CCDC141: variants seen among roughly 807,000 people sequenced by gnomAD.
The protein encoded by CCDC141 is coiled-coil domain-containing protein 141.
CCDC141 carries 168 observed loss-of-function variants against 181.0 expected under a neutral mutation model. The observed-to-expected ratio is 0.93, with a 90% CI of 0.82 to 1.05. CCDC141 has a LOEUF of 1.05. Ranked by LOEUF, CCDC141 falls within the 50% of genes least tolerant of loss-of-function variation. The pLI, the probability that CCDC141 is intolerant of heterozygous loss-of-function variation, is 0.00. For synonymous variants in CCDC141, 666 were observed against 642.3 expected, an observed-to-expected ratio of 1.04 and a Z score of -0.56; for missense variants, 1,902 against 1,788.5, an observed-to-expected ratio of 1.06 and a Z score of -1.14.
intron 7 of CCDC141, among the ~76,000 whole-genome samples, chr2:178,910,781 C>T (rs1219278980): frequency 6.6e-6 from 1 of 152,234 alleles, no homozygotes; most frequent in Non-Finnish European, 1.5e-5. Flanking sequence ...AGAGCTCCCT[C>T]CTTGTTCCAG....
At chr2:178,839,548 C>T (rs969883928) in intron 22 of CCDC141, among the ~76,000 whole-genome samples, 1 of 135,732 alleles carries the variant, frequency 7.4e-6, no homozygotes, top group Non-Finnish European at 1.5e-5. Context: ...CCATTGTACC[C>T]CAGCCTGGGC....
chr2:178,895,941 C>T (rs963430163), intron 8 of CCDC141, among the ~76,000 whole-genome samples: 2 of 152,116 alleles, frequency 1.3e-5, no homozygotes, highest in African/African-American at 4.8e-5. Context: ...TAAGGGCTTT[C>T]CTTCAATGTC....
At chr2:179,031,695 T>C (rs1037104880) in intron 2 of CCDC141, among the ~76,000 whole-genome samples, 1 of 152,170 alleles carries the variant, frequency 6.6e-6, no homozygotes. Context: ...GCTTGTCTTA[T>C]GCATTTCTAT....
intron 6 of CCDC141, among the ~76,000 whole-genome samples, chr2:178,936,768 C>A (rs564757262): frequency 3.3e-5 from 5 of 152,028 alleles, no homozygotes; most frequent in African/African-American, 1.2e-4. Context: ...TCTGTGAATT[C>A]TTTGGGCAGT....
Position 178,966,812 on chromosome 2 carries a change from G to T in CCDC141, c.527-5329C>A, listed in dbSNP as rs182253802. ...TAATAACAAACTGCTCCGAGCTAAAGTAGCATATTCTAACCCAATGCAAGG... is the reference window on the plus strand; with the variant it reads ...TAATAACAAACTGCTCCGAGCTAAATTAGCATATTCTAACCCAATGCAAGG... On this transcript the variant is annotated intron_variant, in intron 4 of 23. Coordinates refer to ENST00000443758, the MANE Select transcript of CCDC141 (RefSeq NM_173648.4). 2.8e-3 allele frequency among the ~76,000 whole-genome samples: 433 copies of T among 152,028 alleles called. 6 individuals are homozygous for T. Among genetic ancestry groups the T allele is most frequent in the African/African-American group, 9.8e-3 (407 of 41,486 alleles).
chr2:178,871,673 T>A, intron 13 of CCDC141, 121 bp from the exon 14 acceptor site: 1 of 1,129,686 alleles, frequency 8.9e-7, no homozygotes, highest in Non-Finnish European at 1.3e-6. Flanking sequence ...ACACTCAGGA[T>A]GTGGCATGAG....
intron 15 of CCDC141, 137 bp from the exon 16 acceptor site, chr2:178,868,342 A>AC: frequency 3.1e-6 from 2 of 654,938 alleles, no homozygotes; most frequent in Non-Finnish European, 5.2e-6. Context: ...GCATTAGCCA[A>AC]ATAAATGTTA....
At chr2:178,826,902 C>T (rs1470701287), downstream of CCDC141, among the ~76,000 whole-genome samples, 2 of 151,918 alleles carry the variant, frequency 1.3e-5, no homozygotes, top group African/African-American at 4.8e-5. Flanking sequence ...ATTCTGCTTG[C>T]TATAGGCTTA....
At chr2:178,933,189 T>C (rs528354806) in intron 6 of CCDC141, among the ~76,000 whole-genome samples, 1 of 152,340 alleles carries the variant, frequency 6.6e-6, no homozygotes, top group African/African-American at 2.4e-5. Context: ...ATGATGTTTC[T>C]ATACACAATT....
At chr2:179,020,128 G>A (rs1313127707) in intron 2 of CCDC141, among the ~76,000 whole-genome samples, 6 of 152,234 alleles carry the variant, frequency 3.9e-5, no homozygotes, top group South Asian at 4.2e-4. Context: ...TGTTATAACC[G>A]TCATGTAGAA....
intron 1 of CCDC141, 48 bp downstream of exon 1, chr2:179,049,792 C>A: frequency 1.9e-6 from 3 of 1,547,262 alleles, no homozygotes; most frequent in Non-Finnish European, 2.6e-6. Flanking sequence ...TTTCAACACA[C>A]AGCTAGAAGC....
In CCDC141 at chr2:179,006,255, C is replaced by T. The variant is rs556455670; in HGVS notation, c.226-27580G>A. ...ATATCATTCAATTTGTTATTTTTAT[C>T]TTAACATACACGGGGGTGGGGAGGA... On this transcript the variant is annotated intron_variant, in intron 2 of 23. Transcript: ENST00000443758. Among the ~76,000 whole-genome samples the T allele has an allele frequency of 3.9e-5, 6 of 152,258 alleles. No individual in the cohort carries two copies. The East Asian group carries it at 1.2e-3, about 29-fold the overall frequency.
At chr2:178,980,398 TGAG>T (rs1050955862) in intron 2 of CCDC141, among the ~76,000 whole-genome samples, 2 of 151,766 alleles carry the variant, frequency 1.3e-5, no homozygotes, top group Non-Finnish European at 2.9e-5. Flanking sequence ...TGCAGTGAGC[TGAG>T]ATCGTGCCAC....
intron 17 of CCDC141, among the ~76,000 whole-genome samples, chr2:178,859,582 G>A (rs1685517116): frequency 6.6e-6 from 1 of 152,032 alleles, no homozygotes; most frequent in African/African-American, 2.4e-5. Context: ...TCATATTAAA[G>A]TTCCTCAAAG....
intron 22 of CCDC141, among the ~76,000 whole-genome samples, chr2:178,840,821 C>T (rs1204297364): frequency 2.0e-5 from 3 of 152,180 alleles, no homozygotes; most frequent in Non-Finnish European, 4.4e-5. Context: ...TTTTTCACTT[C>T]TAACAATTCC....
intron 2 of CCDC141, among the ~76,000 whole-genome samples, chr2:178,998,333 T>G (rs1692381347): frequency 6.6e-6 from 1 of 152,338 alleles, no homozygotes; most frequent in South Asian, 2.1e-4. Flanking sequence ...GCTGAAGTTA[T>G]TAATGAATGT....
At chr2:178,985,305 G>A (rs1691668342) in intron 2 of CCDC141, among the ~76,000 whole-genome samples, 1 of 150,334 alleles carries the variant, frequency 6.7e-6, no homozygotes, top group Non-Finnish European at 1.5e-5. Context: ...TCTCTGGGAT[G>A]CATTCAAAGC....
At chr2:179,015,124 T>C (rs2042424418) in intron 2 of CCDC141, among the ~76,000 whole-genome samples, 3 of 98,894 alleles carry the variant, frequency 3.0e-5, no homozygotes, top group Non-Finnish European at 4.4e-5. Context: ...TAATCATATA[T>C]ATATATCATA....
intron 8 of CCDC141, among the ~76,000 whole-genome samples, chr2:178,900,048 A>G (rs898315439): frequency 5.3e-5 from 8 of 152,180 alleles, no homozygotes; most frequent in Admixed American, 2.0e-4. Context: ...TTGCCAAGAA[A>G]CAATTTTATT....
Sources: allele counts gnomAD v4.1 joint callset (sites outside exome capture counted in the v4.1 genomes callset), GRCh38; gene constraint gnomAD v4.1.1; transcripts MANE v1.5; gene names NCBI Gene and HGNC (gene_info 2026-07-23, HGNC 2026-07-21).